The following PRIM1 variants were observed in gnomAD, a reference collection of about 807,000 sequenced individuals.
The protein encoded by PRIM1 is DNA primase small subunit.
A neutral mutation model predicts 60.2 loss-of-function variants in PRIM1; 38 were observed. The observed-to-expected ratio is 0.63, with a 90% CI of 0.49 to 0.83. The LOEUF (loss-of-function observed/expected upper bound fraction) is 0.83, where lower values mean the gene tolerates loss of function less well. PRIM1 is among the 40% of genes least tolerant of loss of function. PRIM1 has a pLI of 0.00. For synonymous variants in PRIM1, 158 were observed against 160.2 expected, an observed-to-expected ratio of 0.99 and a Z score of 0.10; for missense variants, 388 against 506.2, an observed-to-expected ratio of 0.77 and a Z score of 2.24.
chr12:56,746,907 C>T lies in PRIM1; in HGVS notation c.368+19G>A. The T allele has an allele frequency of 6.2e-7, 1 of 1,612,840 alleles. No homozygotes were observed. The highest frequency in any genetic ancestry group is 1.1e-5 in the South Asian group (1 of 91,040). On this transcript the variant is annotated intron_variant, in intron 3 of 12. Coordinates refer to ENST00000338193, the MANE Select transcript of PRIM1 (RefSeq NM_000946.3). ...TCAGTGATACCACCCACCCTAACAGCAAGACACACAGTGCTCACCTACAAC... is the reference window on the plus strand; with the variant it reads ...TCAGTGATACCACCCACCCTAACAGTAAGACACACAGTGCTCACCTACAAC...
chr12:56,734,404 G>T (rs1234562047), intron 11 of PRIM1, among the ~76,000 whole-genome samples, 159 bp from the exon 12 acceptor site: 1 of 152,164 alleles, frequency 6.6e-6, no homozygotes, highest in African/African-American at 2.4e-5. Context: ...ATTAAAAAAG[G>T]TGAAATTATT....
chr12:56,738,023 C>A (rs1953845827), intron 11 of PRIM1, among the ~76,000 whole-genome samples: 1 of 152,236 alleles, frequency 6.6e-6, no homozygotes, highest in Non-Finnish European at 1.5e-5. Context: ...CTGCGCCCAG[C>A]CAGCTTCTTC....
chr12:56,736,783 C>T (rs529767175), intron 11 of PRIM1, among the ~76,000 whole-genome samples: 14 of 151,830 alleles, frequency 9.2e-5, no homozygotes, highest in South Asian at 8.3e-4. Context: ...GGATTACAGG[C>T]GTGAGCTACT....
At chr12:56,746,018 T>C (rs561236650) in intron 5 of PRIM1, 27 bp downstream of exon 5, 3 of 1,577,848 alleles carry the variant, frequency 1.9e-6, no homozygotes, top group African/African-American at 2.7e-5. Context: ...ACTAAAGCAA[T>C]GCAAATTAGA....
intron 1 of PRIM1, 140 bp downstream of exon 1, chr12:56,752,056 G>GTA: frequency 2.0e-6 from 1 of 502,242 alleles, no homozygotes; most frequent in Non-Finnish European, 3.6e-6. Flanking sequence ...ATGAAGTGGT[G>GTA]GGGCGGGCTC....
At chr12:56,746,502 G>A in intron 4 of PRIM1, 1 of 558,030 alleles carries the variant, frequency 1.8e-6, no homozygotes, top group Admixed American at 2.8e-5. Flanking sequence ...GTGGTGGCGT[G>A]CGCCTGTAGT....
chr12:56,740,506 G>A (rs1192537198), intron 9 of PRIM1, among the ~76,000 whole-genome samples: 2 of 152,108 alleles, frequency 1.3e-5, no homozygotes, highest in African/African-American at 2.4e-5. Context: ...GAGGCTGGGC[G>A]CAGTGGCTCT....
At chr12:56,747,104 T>C (rs913871096) in intron 2 of PRIM1, 72 bp from the exon 3 acceptor site, 16 of 1,286,134 alleles carry the variant, frequency 1.2e-5, no homozygotes, top group African/African-American at 8.9e-5. Flanking sequence ...TTTCTACACA[T>C]ATGGAAAAAG....
At chr12:56,738,376 G>T in intron 11 of PRIM1, 58 bp downstream of exon 11, 1 of 1,528,322 alleles carries the variant, frequency 6.5e-7, no homozygotes, top group South Asian at 1.2e-5. Context: ...TGGAGTGACA[G>T]ATGGATATCT....
In PRIM1 at chr12:56,746,957, T is replaced by A. The variant is rs1953912968; in HGVS notation, c.337A>T (p.Thr113Ser). 6.2e-7 allele frequency: 1 copy of A among 1,613,744 alleles called. No individual in the cohort carries two copies. The highest frequency in any genetic ancestry group is 1.3e-5 in the African/African-American group (1 of 74,924). Residue 113 changes from threonine (T) to serine (S), a missense_variant, in exon 3 of 13, where the codon ACA becomes TCA. Thr to Ser is a moderately conservative substitution (Grantham distance 58). Coordinates refer to ENST00000338193, the MANE Select transcript of PRIM1 (RefSeq NM_000946.3). ...EKELVFDIDM[T>S]DYDDVRRCCS... ...CATCTCCTCACATCGTCATAGTCTG[T>A]CATGTCAATGTCAAATACCAGTTCT...
At chr12:56,750,358 A>C (rs1325516374) in intron 2 of PRIM1, among the ~76,000 whole-genome samples, 1 of 152,100 alleles carries the variant, frequency 6.6e-6, no homozygotes. Flanking sequence ...GTAGAGCCAA[A>C]GGGATTTCCT....
chr12:56,750,373 G>C (rs1017654757), intron 2 of PRIM1, among the ~76,000 whole-genome samples: 4 of 151,436 alleles, frequency 2.6e-5, no homozygotes, highest in African/African-American at 9.7e-5. Context: ...TTTCCTAATA[G>C]AATGGGTATG....
rs758110082 is a variant in PRIM1, at chr12:56,741,839, T to C, written c.749-2A>G. The C allele has an allele frequency of 2.5e-6, 4 of 1,613,414 alleles. No individual in the cohort carries two copies. In the African/African-American group the frequency reaches 5.3e-5, roughly 22 times the overall value. On this transcript the variant is annotated splice_acceptor_variant, in intron 7 of 12. Transcript: ENST00000338193. LOFTEE classifies it high-confidence loss of function. Reference sequence around the variant, plus strand: ...TTTGTTGAAGTTCATCATGAATTGGTGATGGGTCATTAAGGAACAGACTCA... The same window carrying C: ...TTTGTTGAAGTTCATCATGAATTGGCGATGGGTCATTAAGGAACAGACTCA...
At chr12:56,746,256 T>C (rs1953906106) in intron 4 of PRIM1, 75 bp from the exon 5 acceptor site, 3 of 1,465,872 alleles carry the variant, frequency 2.0e-6, no homozygotes, top group Non-Finnish European at 2.8e-6. Context: ...AATTACTTGT[T>C]GTTTCCTGTG....
rs572418480 is a variant in PRIM1 at position 56,751,284 on chromosome 12, T to C, written c.104-89A>G. 39 of 967,662 alleles carry C rather than the reference T, an allele frequency of 4.0e-5. No individual in the cohort carries two copies. In the African/African-American group the frequency reaches 5.1e-4, roughly 13 times the overall value. 59.9% of individuals were successfully genotyped at this position (967,662 alleles called of 1,614,324 possible). A position where few individuals can be genotyped will look rare whatever the true frequency, so the allele number is the denominator to read the frequency against. On this transcript the variant is annotated intron_variant, in intron 1 of 12. Coordinates refer to ENST00000338193, the MANE Select transcript of PRIM1 (RefSeq NM_000946.3). The stretch of plus-strand genomic sequence containing the variant: ...TTTAGCCAATGAGAAGTTTTTTTTT[T>C]CGGTGAGGGAATCTTGCTTGCTTCC...
At chr12:56,741,639 A>G in intron 8 of PRIM1, 63 bp from the exon 9 acceptor site, 1 of 1,578,508 alleles carries the variant, frequency 6.3e-7, no homozygotes, top group Non-Finnish European at 8.6e-7. Context: ...TCTTTAAAGA[A>G]AGTTAAAAAA....
At chr12:56,743,816 TA>T (rs1953888434) in intron 6 of PRIM1, 1 of 383,052 alleles carries the variant, frequency 2.6e-6, no homozygotes, top group East Asian at 4.2e-5. Flanking sequence ...AAAATCTCTC[TA>T]AAACTCATTT....
chr12:56,750,749 C>G (rs2958132), intron 2 of PRIM1, among the ~76,000 whole-genome samples: 87,953 of 151,880 alleles, frequency 0.58, 26,528 homozygotes, highest in South Asian at 0.74. Flanking sequence ...ACCACCACGC[C>G]CGGCTAATTA....
rs1473975685 is a variant in PRIM1 at position 56,731,664 on chromosome 12, A to G, written c.*51T>C. 6.3e-5 allele frequency: 92 copies of G among 1,454,346 alleles called. No individual in the cohort carries two copies. Among genetic ancestry groups the G allele is most frequent in the Non-Finnish European group, 8.4e-5 (90 of 1,069,044 alleles). The allele number at this position is 1,454,346 out of a possible 1,614,324, so 90.1% of individuals were successfully genotyped here. ...TATTAAATGGCTCTTGAAGTATTTG[A>G]TCTGTGGTTGAAGGCAGAAGATATC... On this transcript the variant is annotated 3_prime_UTR_variant, in exon 13 of 13. Transcript: ENST00000338193.
Sources: allele counts gnomAD v4.1 joint callset (sites outside exome capture counted in the v4.1 genomes callset), GRCh38; gene constraint gnomAD v4.1.1; transcripts MANE v1.5; gene names NCBI Gene and HGNC (gene_info 2026-07-23, HGNC 2026-07-21).